Variants in SNX13 observed in about 807,000 individuals in gnomAD.
The protein encoded by SNX13 is sorting nexin 13, also known as sorting nexin-13.
Under a neutral mutation model 133.6 loss-of-function variants are expected in SNX13, and 45 were observed. The observed-to-expected ratio is 0.34, with a 90% CI of 0.27 to 0.43. The LOEUF (loss-of-function observed/expected upper bound fraction) is 0.43, where lower values mean the gene tolerates loss of function less well. Among genes scored for constraint, SNX13 ranks in the 20% least tolerant of loss-of-function variants. SNX13 has a pLI of 1.00. For synonymous variants in SNX13, 414 were observed against 373.9 expected (o/e 1.11, Z -1.24); for missense variants, 1,032 against 1,145.1 (o/e 0.90, Z 1.43).
At chr7:17,798,853 G>A (rs1182535453) in intron 23 of SNX13, 95 bp from the exon 24 acceptor site, 8 of 1,219,228 alleles carry the variant, frequency 6.6e-6, no homozygotes, top group Non-Finnish European at 9.2e-6. Flanking sequence ...TAATCTGGAT[G>A]TAAATTATCC....
At chr7:17,929,610 C>T (rs981471087) in intron 1 of SNX13, among the ~76,000 whole-genome samples, 4 of 152,108 alleles carry the variant, frequency 2.6e-5, no homozygotes, top group African/African-American at 9.7e-5. Flanking sequence ...AGCCACTTTA[C>T]ATAAAACTTT....
chr7:17,813,037 G>A lies in SNX13; in HGVS notation c.2064+1797C>T, dbSNP rs547812624. ...TGTAGATCACAGGTTAATGGGTGCA[G>A]CAAAGCACCATGGCACATGTATACC... is the stretch of plus-strand genomic sequence containing the variant. On this transcript the variant is annotated intron_variant, in intron 20 of 25. Coordinates refer to ENST00000428135, the MANE Select transcript of SNX13 (RefSeq NM_015132.5). Among the ~76,000 whole-genome samples the A allele has an allele frequency of 4.6e-5, 7 of 152,164 alleles. No individual in the cohort carries two copies. In the South Asian group the frequency reaches 1.2e-3, roughly 27 times the overall value.
chr7:17,855,064 T>C (rs886175811), intron 9 of SNX13, among the ~76,000 whole-genome samples: 2 of 152,224 alleles, frequency 1.3e-5, no homozygotes, highest in Admixed American at 6.5e-5. Context: ...AGAACACTTA[T>C]GGTGATATGG....
chr7:17,907,182 A>T (rs1798496653), intron 1 of SNX13: 1 of 152,198 alleles, frequency 6.6e-6, no homozygotes, highest in Non-Finnish European at 1.5e-5. Context: ...GCAATGATTG[A>T]TTCACTGCCA....
chr7:17,914,125 AAG>A (rs1456128475), intron 1 of SNX13, among the ~76,000 whole-genome samples: 1 of 116,648 alleles, frequency 8.6e-6, no homozygotes, highest in Non-Finnish European at 1.8e-5. Flanking sequence ...GACCAAGCAG[AAG>A]AGAGTTTCAA....
At chr7:17,827,766 C>T (rs554473848) in intron 16 of SNX13, among the ~76,000 whole-genome samples, 7 of 151,130 alleles carry the variant, frequency 4.6e-5, no homozygotes, top group Admixed American at 2.6e-4. Flanking sequence ...AATGAAAATG[C>T]TTTGGAAAAA....
chr7:17,826,096 GA>G lies in SNX13; in HGVS notation c.1636-6del, dbSNP rs752684610. On this transcript the variant is annotated splice_polypyrimidine_tract_variant and splice_region_variant and intron_variant, in intron 16 of 25. Coordinates refer to ENST00000428135, the MANE Select transcript of SNX13 (RefSeq NM_015132.5). Reference sequence around the variant, plus strand: ...ATTTGAAAGGTCATCTAAAGACTGAGAAAAAAAAATCAGGAAACAAATTTTT... The same window carrying G: ...ATTTGAAAGGTCATCTAAAGACTGAGAAAAAAAATCAGGAAACAAATTTTT... The G allele has an allele frequency of 5.7e-5, 83 of 1,459,604 alleles. No homozygotes were observed. The highest frequency in any genetic ancestry group is 1.6e-4 in the South Asian group (11 of 67,406). 90.4% of individuals were successfully genotyped at this position (1,459,604 alleles called of 1,614,324 possible). A position where few individuals can be genotyped will look rare whatever the true frequency, so the allele number is the denominator to read the frequency against.
At chr7:17,939,982 G>A (rs1802617774) in intron 1 of SNX13, among the ~76,000 whole-genome samples, 1 of 152,154 alleles carries the variant, frequency 6.6e-6, no homozygotes, top group East Asian at 1.9e-4. Flanking sequence ...GCGTGTAAGG[G>A]GACACGAAGA....
intron 9 of SNX13, among the ~76,000 whole-genome samples, chr7:17,853,627 A>C (rs1308112240): frequency 6.6e-6 from 1 of 152,240 alleles, no homozygotes; most frequent in African/African-American, 2.4e-5. Context: ...GAGAATAAAA[A>C]GCTCAGATAA....
intron 8 of SNX13, among the ~76,000 whole-genome samples, chr7:17,872,366 C>G (rs971496027): frequency 2.6e-5 from 4 of 152,106 alleles, no homozygotes; most frequent in African/African-American, 9.7e-5. Context: ...TGAGATTCCA[C>G]GTAACAGTAG....
At chr7:17,886,791 T>TATCC (rs1796043040) in intron 5 of SNX13, among the ~76,000 whole-genome samples, 1 of 152,152 alleles carries the variant, frequency 6.6e-6, no homozygotes, top group East Asian at 1.9e-4. Context: ...CCTCTCTATC[T>TATCC]ATCCAAATAA....
intron 1 of SNX13, among the ~76,000 whole-genome samples, chr7:17,939,319 G>T (rs1348064514): frequency 1.3e-5 from 2 of 152,098 alleles, no homozygotes; most frequent in Non-Finnish European, 2.9e-5. Context: ...AGTTCCTCAC[G>T]TCAGGATCCT....
intron 20 of SNX13, among the ~76,000 whole-genome samples, chr7:17,807,787 C>G (rs981304065): frequency 1.3e-5 from 2 of 152,204 alleles, no homozygotes; most frequent in Admixed American, 6.5e-5. Flanking sequence ...GCAATCTTGG[C>G]TGCTCTGCAG....
At chr7:17,809,486 T>A (rs187875987) in intron 20 of SNX13, among the ~76,000 whole-genome samples, 1 of 152,088 alleles carries the variant, frequency 6.6e-6, no homozygotes, top group East Asian at 1.9e-4. Context: ...GCAAGAGACC[T>A]ACAAAGAGAC....
chr7:17,821,759 T>G, intron 17 of SNX13, 111 bp from the exon 18 acceptor site: 1 of 1,240,408 alleles, frequency 8.1e-7, no homozygotes, highest in Non-Finnish European at 1.1e-6. Flanking sequence ...AAAGATAATA[T>G]GAAATGAAGA....
chr7:17,858,810 A>G (rs1279098173), intron 9 of SNX13, among the ~76,000 whole-genome samples: 1 of 152,092 alleles, frequency 6.6e-6, no homozygotes, highest in Non-Finnish European at 1.5e-5. Context: ...TCAGAACCAA[A>G]CATATTAGAG....
chr7:17,837,983 A>G (rs1789348869), intron 13 of SNX13, among the ~76,000 whole-genome samples: 1 of 151,926 alleles, frequency 6.6e-6, no homozygotes, highest in South Asian at 2.1e-4. Context: ...GCCTCGTCAA[A>G]GATCACCTAC....
intron 20 of SNX13, among the ~76,000 whole-genome samples, chr7:17,812,982 G>C (rs10252592): frequency 0.022 from 3,313 of 152,226 alleles, 131 homozygotes; most frequent in African/African-American, 0.074. Context: ...TGAGGGCTAG[G>C]GGAGGGATAG....
intron 13 of SNX13, among the ~76,000 whole-genome samples, chr7:17,839,465 T>C (rs1367999010): frequency 6.6e-6 from 1 of 151,924 alleles, no homozygotes; most frequent in Non-Finnish European, 1.5e-5. Flanking sequence ...AATACATACA[T>C]TTAAACATAT....
Sources: allele counts gnomAD v4.1 joint callset (sites outside exome capture counted in the v4.1 genomes callset), GRCh38; gene constraint gnomAD v4.1.1; transcripts MANE v1.5; gene names NCBI Gene and HGNC (gene_info 2026-07-23, HGNC 2026-07-21).